C10orf53: variants seen among roughly 807,000 people sequenced by gnomAD.
The protein encoded by C10orf53 is UPF0728 protein C10orf53.
In C10orf53, 8 loss-of-function variants were observed where a neutral mutation model predicts 9.4. That is an observed-to-expected ratio of 0.85 (90% CI 0.50 to 1.53). The LOEUF is 1.53. C10orf53 is among the 40% of genes most tolerant of loss of function. The probability of loss-of-function intolerance (pLI) is 0.00; values close to 1 mark genes in which losing one functional copy is unlikely to be tolerated. For synonymous variants in C10orf53, 48 were observed against 46.0 expected (o/e 1.04, Z -0.18); for missense variants, 117 against 117.8 (o/e 0.99, Z 0.03).
chr10:49,694,538 G>A lies in C10orf53; in HGVS notation c.218G>A (p.Gly73Glu). The A allele has an allele frequency of 6.2e-7, 1 of 1,614,184 alleles. No individual in the cohort carries two copies. The highest frequency in any genetic ancestry group is 8.5e-7 in the Non-Finnish European group (1 of 1,180,006). The change falls in exon 3 of 3, where the codon GGA (glycine) becomes GAA (glutamate). Residue 73 changes from glycine to glutamate, a missense_variant and splice_region_variant. Physicochemically the swap from Gly to Glu is moderately conservative, Grantham distance 98. Transcript: ENST00000374111. The stretch of plus-strand genomic sequence containing the variant: ...AAGACAATTATATCTGTTTCCCTAG[G>A]AGGCGATGGTAAACTAGACCCACTG... ...FHCNIKDLEFGGDGKLDPLCE... is the reference protein window; with the variant it reads ...FHCNIKDLEFEGDGKLDPLCE...
chr10:49,704,900 C>T (rs191274026), intron 2 of C10orf53, among the ~76,000 whole-genome samples: 41 of 152,296 alleles, frequency 2.7e-4, no homozygotes, highest in African/African-American at 7.0e-4. Context: ...AAATCTAAAG[C>T]GTATATCTTT....
At chr10:49,685,400 T>A (rs531018255) in intron 1 of C10orf53, among the ~76,000 whole-genome samples, 5 of 152,368 alleles carry the variant, frequency 3.3e-5, no homozygotes, top group African/African-American at 9.6e-5. Context: ...TAGGCTAAGC[T>A]ATGATGTTCA....
Position 49,694,074 on chromosome 10 carries a change from A to G in C10orf53, c.217+181A>G, listed in dbSNP as rs936724525. ...CACACAGGAGAGTATCCAAAACCACACAGTAAAGTGTGTGATGCTACGAGT... is the reference window on the plus strand; with the variant it reads ...CACACAGGAGAGTATCCAAAACCACGCAGTAAAGTGTGTGATGCTACGAGT... On this transcript the variant is annotated intron_variant, in intron 2 of 2. Coordinates refer to ENST00000374111, the MANE Select transcript of C10orf53 (RefSeq NM_001042427.3). 9 of 782,282 alleles carry G rather than the reference A, an allele frequency of 1.2e-5. No individual in the cohort carries two copies. In the African/African-American group the frequency reaches 1.4e-4, roughly 12 times the overall value. The allele number at this position is 782,282 out of a possible 1,614,324, so 48.5% of individuals were successfully genotyped here.
Position 49,694,881 on chromosome 10 carries a change from A to G in C10orf53, c.*279A>G, listed in dbSNP as rs1042770973. ...TCAGGTACACATTGAGCTGAAGGAA[A>G]CAATAAAATGCAATCAAATAACAAG... On this transcript the variant is annotated 3_prime_UTR_variant, in exon 3 of 3. Coordinates refer to ENST00000374111, the MANE Select transcript of C10orf53 (RefSeq NM_001042427.3). The G allele has an allele frequency of 2.5e-6, 3 of 1,218,072 alleles. No homozygotes were observed. Among genetic ancestry groups the G allele is most frequent in the Non-Finnish European group, 3.1e-6 (3 of 976,018 alleles). The allele number at this position is 1,218,072 out of a possible 1,614,324, so 75.5% of individuals were successfully genotyped here. A position where few individuals can be genotyped will look rare whatever the true frequency, so the allele number is the denominator to read the frequency against.
At chr10:49,702,835 AC>A (rs1840694037) in intron 2 of C10orf53, among the ~76,000 whole-genome samples, 1 of 152,118 alleles carries the variant, frequency 6.6e-6, no homozygotes. Context: ...AGTCCCAGAG[AC>A]CCTGACTCCA....
chr10:49,693,538 C>T (rs954921621), intron 1 of C10orf53, among the ~76,000 whole-genome samples: 1 of 152,156 alleles, frequency 6.6e-6, no homozygotes, highest in Non-Finnish European at 1.5e-5. Context: ...AACAGATCAC[C>T]TTGGTGTAGG....
At chr10:49,684,097 GTGAC>G (rs1840505172) in intron 1 of C10orf53, among the ~76,000 whole-genome samples, 2 of 152,166 alleles carry the variant, frequency 1.3e-5, no homozygotes, top group South Asian at 4.1e-4. Flanking sequence ...TTTTGTTAAA[GTGAC>G]TGTTCTTTAC....
Position 49,696,548 on chromosome 10 carries a change from C to T in C10orf53, c.*1946C>T, listed in dbSNP as rs1255447594. On this transcript the variant is annotated 3_prime_UTR_variant, in exon 3 of 3. Transcript: ENST00000374111. ...TATTTGTGCCTTCAGAGTAGCACTA[C>T]AAGTGAAGAAGACCTGCCCTCCTTG... 1.3e-5 allele frequency among the ~76,000 whole-genome samples: 2 copies of T among 152,226 alleles called. No individual in the cohort carries two copies. The highest frequency in any genetic ancestry group is 4.8e-5 in the African/African-American group (2 of 41,448).
At chr10:49,693,294 C>T (rs562782100) in intron 1 of C10orf53, among the ~76,000 whole-genome samples, 1 of 152,042 alleles carries the variant, frequency 6.6e-6, no homozygotes. Context: ...TATTTTTTTT[C>T]CTTAGGAAGC....
At position 49,695,581 on chromosome 10, in the gene C10orf53, T is replaced by C. The variant is rs11101214; in HGVS notation, c.*979T>C. On this transcript the variant is annotated 3_prime_UTR_variant, in exon 3 of 3. Transcript: ENST00000374111. ...TCGCTCAGAGACCTGCGGCTTCACC[T>C]GCTCTGAGAGCAGTCCTAACCATCG... is the stretch of plus-strand genomic sequence containing the variant. 0.44 allele frequency: 67,037 copies of C among 152,102 alleles called. 15,205 individuals are homozygous for C. Among genetic ancestry groups the C allele is most frequent in the Middle Eastern group, 0.49 (143 of 294 alleles). 9.4% of individuals were successfully genotyped at this position (152,102 alleles called of 1,614,324 possible).
chr10:49,703,189 T>C (rs1436728695), intron 2 of C10orf53, among the ~76,000 whole-genome samples: 1 of 152,108 alleles, frequency 6.6e-6, no homozygotes, highest in East Asian at 1.9e-4. Flanking sequence ...GGATAGTAGA[T>C]AGGGACAGTG....
chr10:49,704,355 G>C (rs1294408809), intron 2 of C10orf53, among the ~76,000 whole-genome samples: 1 of 152,146 alleles, frequency 6.6e-6, no homozygotes, highest in Non-Finnish European at 1.5e-5. Context: ...AAAAATGTAA[G>C]GAGGCAATTC....
At chr10:49,700,684 C>G (rs1265408774), downstream of C10orf53, among the ~76,000 whole-genome samples, 1 of 152,144 alleles carries the variant, frequency 6.6e-6, no homozygotes, top group Non-Finnish European at 1.5e-5. Context: ...TAGATCTGCA[C>G]CTACTCCTAG....
Position 49,694,718 on chromosome 10 carries a change from C to A in C10orf53, c.*116C>A. On this transcript the variant is annotated 3_prime_UTR_variant, in exon 3 of 3. Coordinates refer to ENST00000374111, the MANE Select transcript of C10orf53 (RefSeq NM_001042427.3). ...GGACACTGGGCTCTGCTAGTCAGAA[C>A]AGGGCAACTCGGGCCTGACCTCCAG... The A allele has an allele frequency of 6.5e-7, 1 of 1,533,232 alleles. No homozygotes were observed. The highest frequency in any genetic ancestry group is 1.2e-5 in the South Asian group (1 of 80,364). The allele number at this position is 1,533,232 out of a possible 1,614,324, so 95.0% of individuals were successfully genotyped here.
Position 49,697,378 on chromosome 10 carries a change from A to G in C10orf53, c.*2776A>G, listed in dbSNP as rs1258702052. 6.6e-6 allele frequency among the ~76,000 whole-genome samples: 1 copy of G among 152,154 alleles called. No individual in the cohort carries two copies. The highest frequency in any genetic ancestry group is 1.5e-5 in the Non-Finnish European group (1 of 68,032). On this transcript the variant is annotated 3_prime_UTR_variant, in exon 3 of 3. Transcript: ENST00000374111. ...AAGCAAGAGACACAGCTTGCTCCCC[A>G]TCAAAGGCAAAAGTGCCCTGTGCTT...
chr10:49,708,198 T>A (rs1036646536), intron 2 of C10orf53, among the ~76,000 whole-genome samples: 3 of 152,226 alleles, frequency 2.0e-5, no homozygotes, highest in African/African-American at 7.2e-5. Flanking sequence ...TTCAAGCAGT[T>A]TAAGCCAGCT....
intron 1 of C10orf53, among the ~76,000 whole-genome samples, chr10:49,686,181 G>T (rs1368825230): frequency 6.6e-6 from 1 of 152,162 alleles, no homozygotes; most frequent in Non-Finnish European, 1.5e-5. Flanking sequence ...TCTTACACCT[G>T]TCTTTACTGC....
chr10:49,704,255 G>A (rs981381009), intron 2 of C10orf53, among the ~76,000 whole-genome samples: 1 of 152,136 alleles, frequency 6.6e-6, no homozygotes, highest in African/African-American at 2.4e-5. Flanking sequence ...AAATACTTGT[G>A]AAAGAAGGCA....
At position 49,693,826 on chromosome 10, in the gene C10orf53, G is replaced by C. The variant is rs753385784; in HGVS notation, c.150G>C (p.Trp50Cys). ...TCATCCTAGAGAAGATAGAAGACTG[G>C]AATGTGGTGGAACTCATGGTGAATG... is the stretch of plus-strand genomic sequence containing the variant. Reference protein sequence around the residue: ...HEVILEKIEDWNVVELMVNEE... With the variant: ...HEVILEKIEDCNVVELMVNEE... The change falls in exon 2 of 3, where the codon TGG (tryptophan) becomes TGC (cysteine). Residue 50 changes from tryptophan (W) to cysteine (C), a missense_variant. Physicochemically the swap from Trp to Cys is radical, Grantham distance 215 (BLOSUM62 -2). Transcript: ENST00000374111. 6.2e-6 allele frequency: 10 copies of C among 1,613,948 alleles called. No homozygotes were observed. The South Asian group carries it at 1.1e-4, about 18-fold the overall frequency.
Sources: gnomAD v4.1 joint callset for allele counts (sites outside exome capture counted in the v4.1 genomes callset) on GRCh38, gnomAD v4.1.1 for gene constraint, MANE v1.5 for transcripts, NCBI Gene and HGNC (gene_info 2026-07-23, HGNC 2026-07-21) for gene names.